Variants in FBXO47 observed in about 807,000 individuals in gnomAD.
FBXO47 encodes the protein F-box only protein 47.
FBXO47 carries 34 observed loss-of-function variants against 53.9 expected under a neutral mutation model. That is an observed-to-expected ratio of 0.63 (90% CI 0.48 to 0.84). The LOEUF (loss-of-function observed/expected upper bound fraction) is 0.84, where lower values mean the gene tolerates loss of function less well. FBXO47 is among the 40% of genes least tolerant of loss of function. The pLI is 0.00. For missense variants in FBXO47, 485 were observed against 541.3 expected, an observed-to-expected ratio of 0.90 and a Z score of 1.03; for synonymous variants, 165 against 181.6, an observed-to-expected ratio of 0.91 and a Z score of 0.73.
rs1905291181 is a variant in FBXO47 at position 38,951,637 on chromosome 17, A to G, written c.560T>C (p.Leu187Ser). 6.2e-7 allele frequency: 1 copy of G among 1,614,002 alleles called. No individual in the cohort carries two copies. Among genetic ancestry groups the G allele is most frequent in the Admixed American group, 1.7e-5 (1 of 59,978 alleles). ...ELECHRVYNF[L>S]CELTNLCRKI... ...GCGGCAGAGATTAGTCAGTTCGCAT[A>G]AGAAATTATAAACGCGATGGCACTC... The change falls in exon 6 of 11, where the codon TTA becomes TCA. Residue 187 changes from leucine (L) to serine (S), a missense_variant. Physicochemically the swap from Leu to Ser is moderately radical, Grantham distance 145. Coordinates refer to ENST00000378079, the MANE Select transcript of FBXO47 (RefSeq NM_001008777.3).
chr17:38,951,752 C>G (rs1905300836), intron 5 of FBXO47, 63 bp from the exon 6 acceptor site: 1 of 1,276,848 alleles, frequency 7.8e-7, no homozygotes, highest in Non-Finnish European at 1.1e-6. Context: ...TAAGTCACAC[C>G]AGGCATGGTG....
At chr17:38,957,704 T>C (rs1260019459) in intron 3 of FBXO47, among the ~76,000 whole-genome samples, 4 of 151,278 alleles carry the variant, frequency 2.6e-5, no homozygotes, top group African/African-American at 7.3e-5. Flanking sequence ...TTTTCTTTTT[T>C]TTTTTTTTTT....
intron 5 of FBXO47, among the ~76,000 whole-genome samples, chr17:38,954,152 G>T (rs1205555997): frequency 6.6e-6 from 1 of 151,924 alleles, no homozygotes; most frequent in African/African-American, 2.4e-5. Context: ...CAAATAATTA[G>T]CCAGGCGTGG....
At chr17:38,950,674 G>C (rs1045255769) in intron 6 of FBXO47, among the ~76,000 whole-genome samples, 2 of 151,840 alleles carry the variant, frequency 1.3e-5, no homozygotes, top group Non-Finnish European at 2.9e-5. Context: ...CTCGATATAA[G>C]GTTCTATAAT....
Position 38,944,190 on chromosome 17 carries a change from CATGTGTGTGTGTGTGT to C in FBXO47, c.794-470_794-455del, listed in dbSNP as rs948703277. On this transcript the variant is annotated intron_variant, in intron 7 of 10. Transcript: ENST00000378079. ...CAGCGAGACTCTGTCTCAAAAAAAA[CATGTGTGTGTGTGTGT>C]GTGTGTGTGTGTGTGTGTGTGTGTG... 9.8e-5 allele frequency among the ~76,000 whole-genome samples: 12 copies of C among 122,758 alleles called. No homozygotes were observed. The South Asian group carries it at 1.8e-3, about 18-fold the overall frequency. 80.5% of individuals were successfully genotyped at this position (122,758 alleles called of 152,430 possible).
chr17:38,941,661 T>A (rs1904519105), intron 9 of FBXO47, among the ~76,000 whole-genome samples: 1 of 147,534 alleles, frequency 6.8e-6, no homozygotes, highest in Admixed American at 6.9e-5. Flanking sequence ...TGTATATGTA[T>A]GTGTGTGTGC....
intron 3 of FBXO47, among the ~76,000 whole-genome samples, chr17:38,960,103 G>A (rs912567465): frequency 1.3e-5 from 2 of 151,802 alleles, no homozygotes; most frequent in African/African-American, 4.8e-5. Context: ...CACTGCGCCC[G>A]GCCCAAAGCA....
At chr17:38,939,919 G>C (rs1262676493) in intron 9 of FBXO47, among the ~76,000 whole-genome samples, 3 of 150,258 alleles carry the variant, frequency 2.0e-5, no homozygotes, top group Non-Finnish European at 4.4e-5. Context: ...CACCCGCCTC[G>C]GCCTCCCAAA....
chr17:38,937,920 G>A (rs758749785), intron 10 of FBXO47, among the ~76,000 whole-genome samples: 12 of 151,956 alleles, frequency 7.9e-5, no homozygotes, highest in Admixed American at 2.0e-4. Flanking sequence ...CACCCGCCTC[G>A]GCCTCCCAAA....
chr17:38,938,530 G>T (rs561380895), intron 10 of FBXO47, 43 bp downstream of exon 10: 8 of 1,433,136 alleles, frequency 5.6e-6, no homozygotes, highest in African/African-American at 4.2e-5. Flanking sequence ...AGACTAGAGC[G>T]CATTTTTACG....
At chr17:38,958,232 T>A (rs1411513107) in intron 3 of FBXO47, among the ~76,000 whole-genome samples, 1 of 152,122 alleles carries the variant, frequency 6.6e-6, no homozygotes. Flanking sequence ...TCCTTCCACC[T>A]TGACCTCCCA....
At chr17:38,951,801 T>C in intron 5 of FBXO47, 112 bp from the exon 6 acceptor site, 1 of 677,642 alleles carries the variant, frequency 1.5e-6, no homozygotes, top group South Asian at 1.8e-5. Context: ...GAGGCCAAGG[T>C]GGGTGGATCA....
At chr17:38,949,219 C>T (rs1422934481) in intron 6 of FBXO47, among the ~76,000 whole-genome samples, 1 of 151,862 alleles carries the variant, frequency 6.6e-6, no homozygotes, top group African/African-American at 2.4e-5. Context: ...GAGTTTGAGA[C>T]CAGGCTGGAC....
intron 2 of FBXO47, among the ~76,000 whole-genome samples, chr17:38,962,631 A>G (rs1051409388): frequency 6.7e-6 from 1 of 148,268 alleles, no homozygotes; most frequent in Non-Finnish European, 1.5e-5. Context: ...AATAATAATA[A>G]TAATAATAGT....
intron 6 of FBXO47, among the ~76,000 whole-genome samples, chr17:38,947,129 T>A (rs1598142104): frequency 7.1e-6 from 1 of 141,184 alleles, no homozygotes; most frequent in East Asian, 2.0e-4. Flanking sequence ...AACATATATA[T>A]AAATATATAT....
chr17:38,937,815 C>A (rs1457103177), intron 10 of FBXO47, among the ~76,000 whole-genome samples: 1 of 152,034 alleles, frequency 6.6e-6, no homozygotes, highest in African/African-American at 2.4e-5. Flanking sequence ...CTACAGGCGC[C>A]TGCCACCACG....
At chr17:38,965,798 G>A (rs1192860976) in intron 1 of FBXO47, among the ~76,000 whole-genome samples, 1 of 147,912 alleles carries the variant, frequency 6.8e-6, no homozygotes, top group Admixed American at 6.8e-5. Context: ...CAGGAGAATC[G>A]CTTGAACCCG....
chr17:38,940,235 A>G (rs1904447766), intron 9 of FBXO47, among the ~76,000 whole-genome samples: 1 of 151,958 alleles, frequency 6.6e-6, no homozygotes, highest in Non-Finnish European at 1.5e-5. Flanking sequence ...CTAATAGTAG[A>G]TGAAGATAGA....
intron 3 of FBXO47, among the ~76,000 whole-genome samples, chr17:38,960,570 CTG>C (rs1295219961): frequency 6.6e-6 from 1 of 151,634 alleles, no homozygotes; most frequent in African/African-American, 2.4e-5. Context: ...ATAAGCTCCA[CTG>C]TGTTACCCAG....
Sources: gnomAD v4.1 joint callset for allele counts (sites outside exome capture counted in the v4.1 genomes callset) on GRCh38, gnomAD v4.1.1 for gene constraint, MANE v1.5 for transcripts, NCBI Gene and HGNC (gene_info 2026-07-23, HGNC 2026-07-21) for gene names.